The following IMMP2L variants were observed in gnomAD, a reference collection of about 807,000 sequenced individuals.
IMMP2L encodes the protein mitochondrial inner membrane protease subunit 2.
Under a neutral mutation model 19.3 loss-of-function variants are expected in IMMP2L, and 18 were observed. The observed-to-expected ratio is 0.93, with a 90% CI of 0.64 to 1.38. The LOEUF (loss-of-function observed/expected upper bound fraction) is 1.38, where lower values mean the gene tolerates loss of function less well. Ranked by LOEUF, IMMP2L falls within the 40% of genes most tolerant of loss-of-function variation. The probability of loss-of-function intolerance (pLI) is 0.00; values close to 1 mark genes in which losing one functional copy is unlikely to be tolerated. For missense variants in IMMP2L, 233 were observed against 218.2 expected (o/e 1.07, Z -0.43); for synonymous variants, 76 against 73.0 (o/e 1.04, Z -0.21).
intron 3 of IMMP2L, among the ~76,000 whole-genome samples, chr7:111,179,365 A>G (rs186908945): frequency 2.2e-4 from 33 of 152,180 alleles, no homozygotes; most frequent in Non-Finnish European, 4.0e-4. Flanking sequence ...TTAAAACATT[A>G]TGAGATTTTT....
At chr7:110,815,693 G>C (rs12536041) in intron 5 of IMMP2L, among the ~76,000 whole-genome samples, 1 of 151,850 alleles carries the variant, frequency 6.6e-6, no homozygotes, top group African/African-American at 2.4e-5. Flanking sequence ...GTTTAGTCTT[G>C]GGAGGGTGTA....
At chr7:111,536,105 A>T in intron 1 of IMMP2L, among the ~76,000 whole-genome samples, 1 of 152,198 alleles carries the variant, frequency 6.6e-6, no homozygotes, top group East Asian at 1.9e-4. Context: ...TATTAAATAA[A>T]GTCAGTAATG....
At chr7:111,166,202 A>C (rs756962778) in intron 3 of IMMP2L, among the ~76,000 whole-genome samples, 1 of 151,994 alleles carries the variant, frequency 6.6e-6, no homozygotes, top group Non-Finnish European at 1.5e-5. Flanking sequence ...CTAGTTAATT[A>C]GTGACAAAAC....
At chr7:111,103,098 G>A (rs1366163899) in intron 3 of IMMP2L, among the ~76,000 whole-genome samples, 5 of 151,446 alleles carry the variant, frequency 3.3e-5, no homozygotes, top group South Asian at 2.1e-4. Flanking sequence ...AGCATTTTGC[G>A]TGAGTACTAA....
chr7:111,188,394 G>A (rs1040254908), intron 3 of IMMP2L, among the ~76,000 whole-genome samples: 3 of 152,052 alleles, frequency 2.0e-5, no homozygotes, highest in Non-Finnish European at 4.4e-5. Flanking sequence ...TTTGCAGACT[G>A]ACCTCTTCTC....
chr7:110,857,080 CATT>C (rs1310306255), intron 5 of IMMP2L, among the ~76,000 whole-genome samples: 1 of 152,094 alleles, frequency 6.6e-6, no homozygotes, highest in African/African-American at 2.4e-5. Context: ...AAAGGGTCAT[CATT>C]AAGGCTTTTG....
rs146931714 is a variant in IMMP2L, at chr7:111,523,994, T to G, written c.-2-2545A>C. On this transcript the variant is annotated intron_variant, in intron 1 of 5. Transcript: ENST00000405709. ...ATATATCTCTACAAAAGATTTAATATACTTTTCCAATGGACTATTTTACAA... is the reference window on the plus strand; with the variant it reads ...ATATATCTCTACAAAAGATTTAATAGACTTTTCCAATGGACTATTTTACAA... 5.0e-3 allele frequency among the ~76,000 whole-genome samples: 757 copies of G among 152,256 alleles called. 6 individuals carry two copies. Among genetic ancestry groups the G allele is most frequent in the Middle Eastern group, 0.024 (7 of 294 alleles).
chr7:111,110,514 G>C (rs1468797040), intron 3 of IMMP2L, among the ~76,000 whole-genome samples: 1 of 152,052 alleles, frequency 6.6e-6, no homozygotes, highest in Non-Finnish European at 1.5e-5. Context: ...TCATGAAAAA[G>C]TTTTATTCGT....
intron 3 of IMMP2L, among the ~76,000 whole-genome samples, chr7:111,198,069 T>G (rs778442282): frequency 2.0e-5 from 3 of 152,192 alleles, no homozygotes; most frequent in Non-Finnish European, 4.4e-5. Context: ...TTAATTACAC[T>G]TTTTCACCAA....
intron 3 of IMMP2L, among the ~76,000 whole-genome samples, chr7:111,106,106 A>G (rs968017889): frequency 2.0e-5 from 3 of 151,998 alleles, no homozygotes; most frequent in Admixed American, 6.6e-5. Context: ...AGGACCTTAG[A>G]ACATATAATA....
At chr7:110,834,572 A>G (rs910737345) in intron 5 of IMMP2L, among the ~76,000 whole-genome samples, 3 of 152,176 alleles carry the variant, frequency 2.0e-5, no homozygotes, top group African/African-American at 7.2e-5. Context: ...ATAAACATAT[A>G]TACCTCACCA....
At chr7:110,971,818 A>G (rs549808161) in intron 3 of IMMP2L, among the ~76,000 whole-genome samples, 1 of 152,060 alleles carries the variant, frequency 6.6e-6, no homozygotes, top group Non-Finnish European at 1.5e-5. Flanking sequence ...TATGCTTTCT[A>G]GTGACAATCG....
chr7:110,976,138 G>C (rs912835437), intron 3 of IMMP2L, among the ~76,000 whole-genome samples: 8 of 151,796 alleles, frequency 5.3e-5, no homozygotes, highest in African/African-American at 1.9e-4. Flanking sequence ...ATTCTCATTT[G>C]CTACATATTT....
At chr7:111,396,120 A>C (rs1228642881) in intron 3 of IMMP2L, among the ~76,000 whole-genome samples, 1 of 152,166 alleles carries the variant, frequency 6.6e-6, no homozygotes, top group Non-Finnish European at 1.5e-5. Context: ...GACCCAGCAA[A>C]CCCATTACTG....
At chr7:111,549,646 T>C (rs1460434215) in intron 1 of IMMP2L, among the ~76,000 whole-genome samples, 1 of 152,030 alleles carries the variant, frequency 6.6e-6, no homozygotes, top group Non-Finnish European at 1.5e-5. Flanking sequence ...ACATGAGAAA[T>C]AGTAAGATTC....
chr7:111,520,053 T>G (rs1028826913), intron 2 of IMMP2L, among the ~76,000 whole-genome samples: 8 of 152,104 alleles, frequency 5.3e-5, no homozygotes, highest in African/African-American at 1.4e-4. Context: ...CCCTAAGGAT[T>G]GAGTCTAAGA....
chr7:110,887,234 G>C (rs1010082376), intron 4 of IMMP2L, among the ~76,000 whole-genome samples: 17 of 152,014 alleles, frequency 1.1e-4, no homozygotes, highest in African/African-American at 4.1e-4. Flanking sequence ...CAAACTATCA[G>C]TATCAGTTGA....
At chr7:111,358,984 G>A (rs537752795) in intron 3 of IMMP2L, among the ~76,000 whole-genome samples, 3 of 152,172 alleles carry the variant, frequency 2.0e-5, no homozygotes, top group South Asian at 4.2e-4. Flanking sequence ...TTTCATGCAC[G>A]CTAAGTTAGA....
intron 5 of IMMP2L, among the ~76,000 whole-genome samples, chr7:110,872,244 T>C (rs941101429): frequency 2.0e-5 from 3 of 152,130 alleles, no homozygotes; most frequent in Non-Finnish European, 4.4e-5. Context: ...TCTAAACACT[T>C]CCACCTCCAT....
Sources: allele counts gnomAD v4.1 joint callset (sites outside exome capture counted in the v4.1 genomes callset), GRCh38; gene constraint gnomAD v4.1.1; transcripts MANE v1.5; gene names NCBI Gene and HGNC (gene_info 2026-07-23, HGNC 2026-07-21).